Variants in TBC1D5 observed in about 807,000 individuals in gnomAD.
TBC1D5 encodes TBC1 domain family member 5.
Under a neutral mutation model 100.3 loss-of-function variants are expected in TBC1D5, and 75 were observed. The ratio of observed to expected loss-of-function variants is 0.75; its 90% CI spans 0.62 to 0.91. The LOEUF is 0.91. Ranked by LOEUF, TBC1D5 falls within the 40% of genes least tolerant of loss-of-function variation. The pLI is 0.00. For synonymous variants in TBC1D5, 323 were observed against 325.6 expected, an observed-to-expected ratio of 0.99 and a Z score of 0.09; for missense variants, 910 against 942.4, an observed-to-expected ratio of 0.97 and a Z score of 0.45.
chr3:17,700,809 T>C (rs182917672), intron 1 of TBC1D5, among the ~76,000 whole-genome samples: 6 of 152,136 alleles, frequency 3.9e-5, no homozygotes, highest in Admixed American at 6.5e-5. Context: ...AGAATGGCGA[T>C]CATTAAAAAG....
intron 13 of TBC1D5, among the ~76,000 whole-genome samples, chr3:17,311,499 T>C (rs757794351): frequency 3.3e-5 from 5 of 152,158 alleles, no homozygotes; most frequent in Admixed American, 2.0e-4. Context: ...TAAGCTGCTA[T>C]TCCCAGGGGA....
chr3:17,450,518 A>C (rs2149705155), intron 3 of TBC1D5, among the ~76,000 whole-genome samples: 1 of 152,300 alleles, frequency 6.6e-6, no homozygotes, highest in South Asian at 2.1e-4. Flanking sequence ...AACTAGAATA[A>C]CCAGTGTAGA....
chr3:17,297,733 C>A (rs879825161), intron 14 of TBC1D5, among the ~76,000 whole-genome samples: 1 of 151,696 alleles, frequency 6.6e-6, no homozygotes, highest in Non-Finnish European at 1.5e-5. Flanking sequence ...TAGGCGTGTG[C>A]CATCATGCCT....
At chr3:17,480,467 TCCTC>T (rs2095489357) in intron 3 of TBC1D5, among the ~76,000 whole-genome samples, 1 of 152,048 alleles carries the variant, frequency 6.6e-6, no homozygotes, top group Non-Finnish European at 1.5e-5. Context: ...AGCATGTACT[TCCTC>T]CCTTCTGAGC....
intron 3 of TBC1D5, among the ~76,000 whole-genome samples, chr3:17,435,813 T>C (rs1205001968): frequency 6.6e-6 from 1 of 152,162 alleles, no homozygotes; most frequent in Non-Finnish European, 1.5e-5. Context: ...CATCCATGTG[T>C]ATTGGAGAGA....
At chr3:17,248,287 C>T (rs2076911216) in intron 16 of TBC1D5, among the ~76,000 whole-genome samples, 1 of 152,182 alleles carries the variant, frequency 6.6e-6, no homozygotes, top group South Asian at 2.1e-4. Context: ...CCACTGCGCC[C>T]GGCCTGATGT....
At chr3:17,317,061 G>T (rs2084784003) in intron 13 of TBC1D5, among the ~76,000 whole-genome samples, 1 of 152,082 alleles carries the variant, frequency 6.6e-6, no homozygotes. Flanking sequence ...CAGTTACTCT[G>T]CATTTTTCTG....
Position 17,404,866 on chromosome 3 carries a change from A to G in TBC1D5, c.366+6T>C. On this transcript the variant is annotated splice_donor_region_variant and intron_variant, in intron 6 of 21. Coordinates refer to ENST00000253692, the Ensembl canonical transcript of TBC1D5. ...ATTACATTAATTAAATATACTATTT[A>G]CTTACTATTTCTTTAATGTTGCTAT... is the stretch of plus-strand genomic sequence containing the variant. 1.9e-6 allele frequency: 3 copies of G among 1,565,404 alleles called. No individual in the cohort carries two copies. The highest frequency in any genetic ancestry group is 1.7e-4 in the Middle Eastern group (1 of 5,762).
intron 3 of TBC1D5, among the ~76,000 whole-genome samples, chr3:17,443,333 T>C (rs1575978804): frequency 6.6e-6 from 1 of 152,206 alleles, no homozygotes; most frequent in Non-Finnish European, 1.5e-5. Context: ...GGGCTCTAGA[T>C]TGACACCAAG....
intron 1 of TBC1D5, among the ~76,000 whole-genome samples, chr3:17,710,871 T>C (rs2074662549): frequency 6.6e-6 from 1 of 152,060 alleles, no homozygotes; most frequent in Non-Finnish European, 1.5e-5. Context: ...CTAATTTTTG[T>C]ATTTTTAGTA....
intron 15 of TBC1D5, among the ~76,000 whole-genome samples, chr3:17,275,328 G>C (rs1333409961): frequency 6.6e-6 from 1 of 152,104 alleles, no homozygotes; most frequent in African/African-American, 2.4e-5. Flanking sequence ...GATCTCTTGA[G>C]GTCAGTTTGA....
intron 2 of TBC1D5, among the ~76,000 whole-genome samples, chr3:17,517,618 A>C (rs927289065): frequency 5.9e-5 from 9 of 152,182 alleles, no homozygotes; most frequent in African/African-American, 2.2e-4. Context: ...ACAAAAAAAT[A>C]GTTTTTTGAT....
At chr3:17,601,716 A>G (rs117091685) in intron 2 of TBC1D5, among the ~76,000 whole-genome samples, 2,525 of 152,330 alleles carry the variant, frequency 0.017, 52 homozygotes, top group South Asian at 0.048. Flanking sequence ...AACTCTCTGT[A>G]GGGGAAAACC....
chr3:17,682,531 T>C (rs1186997737), intron 1 of TBC1D5, among the ~76,000 whole-genome samples: 5 of 151,362 alleles, frequency 3.3e-5, no homozygotes, highest in Non-Finnish European at 5.9e-5. Flanking sequence ...AAGAAAACAT[T>C]CTTAAAGATA....
chr3:17,619,473 G>C (rs965627041), intron 2 of TBC1D5, among the ~76,000 whole-genome samples: 1 of 152,146 alleles, frequency 6.6e-6, no homozygotes, highest in Non-Finnish European at 1.5e-5. Flanking sequence ...ACTACAGATA[G>C]AAATCTAATA....
At chr3:17,559,082 TTAAATAAATAAA>T (rs10575585) in intron 2 of TBC1D5, among the ~76,000 whole-genome samples, 36 of 149,856 alleles carry the variant, frequency 2.4e-4, no homozygotes, top group South Asian at 1.3e-3. Flanking sequence ...TCTCTTTCTC[TTAAATAAATAAA>T]TAAATAAATA....
At chr3:17,687,520 G>T (rs2070482829) in intron 1 of TBC1D5, among the ~76,000 whole-genome samples, 1 of 152,178 alleles carries the variant, frequency 6.6e-6, no homozygotes, top group African/African-American at 2.4e-5. Context: ...AAAGGAGGGA[G>T]GAGACAAATT....
intron 16 of TBC1D5, among the ~76,000 whole-genome samples, chr3:17,244,663 G>A (rs1213957482): frequency 6.6e-6 from 1 of 151,998 alleles, no homozygotes; most frequent in Non-Finnish European, 1.5e-5. Context: ...ATATATCTAT[G>A]TATCTCTGGT....
chr3:17,161,773 T>C (rs1051681439), intron 21 of TBC1D5, among the ~76,000 whole-genome samples: 5 of 152,242 alleles, frequency 3.3e-5, no homozygotes, highest in Non-Finnish European at 5.9e-5. Flanking sequence ...TCTGGAGTGA[T>C]TCTATTACTG....
Sources: gnomAD v4.1 joint callset for allele counts (sites outside exome capture counted in the v4.1 genomes callset) on GRCh38, gnomAD v4.1.1 for gene constraint, MANE v1.5 for transcripts, NCBI Gene and HGNC (gene_info 2026-07-23, HGNC 2026-07-21) for gene names.